DEUP1: variants seen among roughly 807,000 people sequenced by gnomAD.
DEUP1 encodes deuterosome assembly protein 1, also known as coiled-coil domain containing 67.
Under a neutral mutation model 87.4 loss-of-function variants are expected in DEUP1, and 82 were observed. The ratio of observed to expected loss-of-function variants is 0.94; its 90% CI spans 0.78 to 1.13. DEUP1 has a LOEUF of 1.13. Among genes scored for constraint, DEUP1 ranks in the 50% most tolerant of loss-of-function variants. DEUP1 has a pLI of 0.00. For synonymous variants in DEUP1, 214 were observed against 222.7 expected, an observed-to-expected ratio of 0.96 and a Z score of 0.35; for missense variants, 663 against 681.5, an observed-to-expected ratio of 0.97 and a Z score of 0.30.
At chr11:93,355,569 G>T (rs747964984) in intron 3 of DEUP1, 27 bp downstream of exon 3, 2 of 1,582,478 alleles carry the variant, frequency 1.3e-6, no homozygotes, top group South Asian at 2.3e-5. Flanking sequence ...TTAACAAATT[G>T]CTAATTCATC....
At chr11:93,350,683 C>T (rs562519362) in intron 2 of DEUP1, among the ~76,000 whole-genome samples, 1 of 152,132 alleles carries the variant, frequency 6.6e-6, no homozygotes, top group South Asian at 2.1e-4. Context: ...GGTGCGGTGG[C>T]TCACACCTGT....
intron 2 of DEUP1, 77 bp downstream of exon 2, chr11:93,332,365 G>A: frequency 8.5e-7 from 1 of 1,174,222 alleles, no homozygotes; most frequent in Non-Finnish European, 1.2e-6. Flanking sequence ...CATGAATTTT[G>A]AAATTTACTA....
intron 4 of DEUP1, 123 bp downstream of exon 4, chr11:93,357,166 T>C: frequency 3.2e-6 from 2 of 631,630 alleles, no homozygotes; most frequent in Non-Finnish European, 5.4e-6. Flanking sequence ...ATTATAAGCT[T>C]GGTCATGTCT....
chr11:93,356,721 T>C (rs1022722347), intron 3 of DEUP1, among the ~76,000 whole-genome samples: 16 of 152,310 alleles, frequency 1.1e-4, no homozygotes, highest in Non-Finnish European at 1.9e-4. Context: ...TAAGGATCTT[T>C]TGTTAAACAT....
At chr11:93,397,463 G>C (rs955265150) in intron 11 of DEUP1, among the ~76,000 whole-genome samples, 1 of 151,976 alleles carries the variant, frequency 6.6e-6, no homozygotes, top group Non-Finnish European at 1.5e-5. Context: ...TCCTGCCTCC[G>C]TGAGTGCTTT....
intron 11 of DEUP1, among the ~76,000 whole-genome samples, chr11:93,403,447 A>G (rs984068869): frequency 6.6e-6 from 1 of 151,780 alleles, no homozygotes; most frequent in Non-Finnish European, 1.5e-5. Context: ...TTTCTAGGAA[A>G]TCAGTTTCAA....
At chr11:93,382,710 C>T (rs1005194166) in intron 7 of DEUP1, among the ~76,000 whole-genome samples, 3 of 152,152 alleles carry the variant, frequency 2.0e-5, no homozygotes, top group African/African-American at 7.2e-5. Flanking sequence ...AATTTGCAAA[C>T]CAGGGAGCCC....
intron 7 of DEUP1, chr11:93,383,742 A>G (rs1258126010): frequency 6.5e-6 from 3 of 464,522 alleles, no homozygotes; most frequent in Non-Finnish European, 1.1e-5. Flanking sequence ...TGTTTTCTAT[A>G]GCCTTTACTA....
intron 7 of DEUP1, among the ~76,000 whole-genome samples, chr11:93,380,131 CACCCTACAGTGCACAAGACA>C (rs1413276273): frequency 7.9e-5 from 12 of 152,204 alleles, no homozygotes; most frequent in Admixed American, 3.9e-4. Flanking sequence ...TGCTGTTAAA[CACCCTACAGTGCACAAGACA>C]ACCCTACAAC....
intron 13 of DEUP1, among the ~76,000 whole-genome samples, chr11:93,430,811 C>G (rs1414241970): frequency 6.6e-6 from 1 of 152,006 alleles, no homozygotes; most frequent in Non-Finnish European, 1.5e-5. Flanking sequence ...AAGAAAATAT[C>G]AAGGCCAGGC....
chr11:93,418,537 T>G (rs940707567), intron 13 of DEUP1, among the ~76,000 whole-genome samples: 1 of 151,562 alleles, frequency 6.6e-6, no homozygotes, highest in Admixed American at 6.6e-5. Flanking sequence ...AAACAACAGG[T>G]GCTGGAGAGG....
chr11:93,409,963 G>A (rs1947388642), intron 12 of DEUP1, among the ~76,000 whole-genome samples: 1 of 152,102 alleles, frequency 6.6e-6, no homozygotes, highest in Non-Finnish European at 1.5e-5. Context: ...AGATAGTTCT[G>A]TGGGGGAGAG....
chr11:93,338,153 A>T (rs1337915051), intron 2 of DEUP1, among the ~76,000 whole-genome samples: 2 of 152,192 alleles, frequency 1.3e-5, no homozygotes, highest in Admixed American at 6.5e-5. Context: ...AGCAGTTAGT[A>T]TAAAAGTTGT....
chr11:93,333,862 T>A (rs2134868704), intron 2 of DEUP1, among the ~76,000 whole-genome samples: 2 of 152,204 alleles, frequency 1.3e-5, no homozygotes, highest in East Asian at 3.9e-4. Flanking sequence ...GGATTCTGGG[T>A]TAAGTATGTG....
chr11:93,353,384 G>A (rs979399367), intron 2 of DEUP1, among the ~76,000 whole-genome samples: 4 of 152,178 alleles, frequency 2.6e-5, no homozygotes, highest in African/African-American at 4.8e-5. Flanking sequence ...TGCTTTCACA[G>A]GCTGGCATTG....
intron 10 of DEUP1, 85 bp downstream of exon 10, chr11:93,394,741 C>A: frequency 1.2e-6 from 1 of 857,078 alleles, no homozygotes. Flanking sequence ...CTAATGAAAA[C>A]ATTACATTTC....
At chr11:93,390,492 C>T (rs972428114) in intron 9 of DEUP1, among the ~76,000 whole-genome samples, 4 of 151,994 alleles carry the variant, frequency 2.6e-5, no homozygotes, top group African/African-American at 4.8e-5. Context: ...CCATATAATC[C>T]CACAAAATTT....
At chr11:93,434,270 C>T (rs956172848) in intron 13 of DEUP1, among the ~76,000 whole-genome samples, 5 of 152,218 alleles carry the variant, frequency 3.3e-5, no homozygotes, top group Admixed American at 6.5e-5. Flanking sequence ...TGGTCGCTGA[C>T]ACCTATCACT....
At chr11:93,427,995 G>A (rs1947980593) in intron 13 of DEUP1, among the ~76,000 whole-genome samples, 1 of 151,450 alleles carries the variant, frequency 6.6e-6, no homozygotes, top group Non-Finnish European at 1.5e-5. Context: ...AGAGGATGTG[G>A]AGAAATAGGA....
Sources: allele counts gnomAD v4.1 joint callset (sites outside exome capture counted in the v4.1 genomes callset), GRCh38; gene constraint gnomAD v4.1.1; transcripts MANE v1.5; gene names NCBI Gene and HGNC (gene_info 2026-07-23, HGNC 2026-07-21).